ITPR2: variants seen among roughly 807,000 people sequenced by gnomAD.
ITPR2 encodes the protein inositol 1,4,5-trisphosphate-gated calcium channel ITPR2.
ITPR2 carries 207 observed loss-of-function variants against 317.1 expected under a neutral mutation model. That is an observed-to-expected ratio of 0.65 (90% CI 0.58 to 0.73). The LOEUF (loss-of-function observed/expected upper bound fraction) is 0.73. Ranked by LOEUF, ITPR2 falls within the 30% of genes least tolerant of loss-of-function variation. The pLI, the probability that ITPR2 is intolerant of heterozygous loss-of-function variation, is 0.00. For synonymous variants in ITPR2, 1,156 were observed against 1,149.1 expected (o/e 1.01, Z -0.12); for missense variants, 2,613 against 3,284.0 (o/e 0.80, Z 4.99).
chr12:26,466,933 A>T (rs1044005891), intron 45 of ITPR2, among the ~76,000 whole-genome samples: 2 of 152,218 alleles, frequency 1.3e-5, no homozygotes, highest in African/African-American at 2.4e-5. Flanking sequence ...ATTGTACGTT[A>T]CTTAAAACCC....
chr12:26,734,690 A>G (rs1280018919), intron 2 of ITPR2, among the ~76,000 whole-genome samples: 1 of 151,716 alleles, frequency 6.6e-6, no homozygotes, highest in Non-Finnish European at 1.5e-5. Context: ...TAATAGCAAT[A>G]TTTAGAGTAA....
At chr12:26,436,478 T>C in intron 47 of ITPR2, 132 bp from the exon 48 acceptor site, 2 of 745,670 alleles carry the variant, frequency 2.7e-6, no homozygotes, top group Admixed American at 7.1e-5. Context: ...TTTAAATAAA[T>C]ATTTGACTTG....
chr12:26,684,749 CT>C (rs1451012656), intron 11 of ITPR2, among the ~76,000 whole-genome samples: 2 of 152,096 alleles, frequency 1.3e-5, no homozygotes, highest in African/African-American at 4.8e-5. Context: ...TAGTAAGACC[CT>C]TTTATCATTT....
At chr12:26,444,699 T>G (rs1941566916) in intron 45 of ITPR2, among the ~76,000 whole-genome samples, 1 of 151,626 alleles carries the variant, frequency 6.6e-6, no homozygotes. Flanking sequence ...TTCCTATTAT[T>G]CATGAGATCT....
intron 26 of ITPR2, among the ~76,000 whole-genome samples, chr12:26,609,864 CA>C (rs1185172217): frequency 6.6e-6 from 1 of 151,838 alleles, no homozygotes; most frequent in Admixed American, 6.6e-5. Flanking sequence ...TATTATAAAC[CA>C]AAAGTTATTT....
chr12:26,754,189 A>G (rs1471950776), intron 2 of ITPR2, among the ~76,000 whole-genome samples: 2 of 152,330 alleles, frequency 1.3e-5, no homozygotes, highest in East Asian at 1.9e-4. Context: ...GTAAAATAAA[A>G]TATCTTCAGA....
chr12:26,491,408 A>G (rs954176231), intron 39 of ITPR2, among the ~76,000 whole-genome samples: 2 of 141,386 alleles, frequency 1.4e-5, no homozygotes, highest in African/African-American at 2.6e-5. Context: ...GCGTGAACCC[A>G]GGAGGCGGAG....
chr12:26,780,430 T>C (rs776855874), intron 2 of ITPR2, among the ~76,000 whole-genome samples: 1 of 152,192 alleles, frequency 6.6e-6, no homozygotes, highest in Non-Finnish European at 1.5e-5. Flanking sequence ...TTATCTACCA[T>C]CATGGTATTC....
rs539370820 is a variant in ITPR2, at chr12:26,396,022, AT to A, written c.7696+2853del. On this transcript the variant is annotated intron_variant, in intron 54 of 56. Coordinates refer to ENST00000381340, the MANE Select transcript of ITPR2 (RefSeq NM_002223.4). ...GTATTCAATAAATAATCATTTAAAA[AT>A]TTTTTTATGATAAGGCTGAAAGAGG... Among the ~76,000 whole-genome samples, 268 of 152,298 alleles carry A rather than the reference AT, an allele frequency of 1.8e-3. 1 individual carries two copies. The highest frequency in any genetic ancestry group is 5.7e-3 in the African/African-American group (236 of 41,552).
At chr12:26,638,096 A>T (rs2136852690) in intron 21 of ITPR2, among the ~76,000 whole-genome samples, 1 of 152,330 alleles carries the variant, frequency 6.6e-6, no homozygotes, top group East Asian at 1.9e-4. Flanking sequence ...CATCCCACAC[A>T]CTAAAGAAGT....
In ITPR2 at chr12:26,621,271, T is replaced by C. The variant is rs1946487495; in HGVS notation, c.3314A>G (p.Asp1105Gly). 3 of 1,612,488 alleles carry C rather than the reference T, an allele frequency of 1.9e-6. No individual in the cohort carries two copies. In the African/African-American group the frequency reaches 4.0e-5, roughly 22 times the overall value. The change falls in exon 26 of 57, where the codon GAC (aspartate) becomes GGC (glycine). Residue 1105 changes from aspartate to glycine, a missense_variant. By Grantham distance (94) the Asp-to-Gly change is moderately conservative. Transcript: ENST00000381340. ...CTTGATTTGCTTGTAGTTATCTACG[T>C]CTTGATTAGACACCAGTAATTGCAC... The part of the protein sequence containing the change: ...KQVQLLVSNQ[D>G]VDNYKQIKAD...
At chr12:26,811,427 G>C (rs1459144312) in intron 1 of ITPR2, among the ~76,000 whole-genome samples, 1 of 148,902 alleles carries the variant, frequency 6.7e-6, no homozygotes, top group Non-Finnish European at 1.5e-5. Context: ...TGGCTAACGC[G>C]GTGAAACCCC....
In ITPR2 at chr12:26,485,394, T is replaced by G. The variant is rs1051154192; in HGVS notation, c.5811+710A>C. Among the ~76,000 whole-genome samples, 7 of 152,182 alleles carry G rather than the reference T, an allele frequency of 4.6e-5. No individual in the cohort carries two copies. The South Asian group carries it at 8.3e-4, about 18-fold the overall frequency. ...TCTAATGTATTATACACCCTATACA[T>G]CTATTTCCTACACTGCCAGACGAAA... On this transcript the variant is annotated intron_variant, in intron 41 of 56. Coordinates refer to ENST00000381340, the MANE Select transcript of ITPR2 (RefSeq NM_002223.4).
intron 11 of ITPR2, among the ~76,000 whole-genome samples, chr12:26,685,033 A>G (rs1948100447): frequency 6.6e-6 from 1 of 152,156 alleles, no homozygotes; most frequent in East Asian, 1.9e-4. Context: ...GGGAAGCTCT[A>G]CCAGCAATGT....
intron 2 of ITPR2, among the ~76,000 whole-genome samples, chr12:26,760,010 C>T (rs1187486365): frequency 6.6e-6 from 1 of 152,216 alleles, no homozygotes; most frequent in Non-Finnish European, 1.5e-5. Context: ...GCTCAAGTCC[C>T]TGATATAAAA....
chr12:26,798,449 TAG>T (rs761821831), intron 1 of ITPR2, among the ~76,000 whole-genome samples: 1 of 152,218 alleles, frequency 6.6e-6, no homozygotes, highest in Non-Finnish European at 1.5e-5. Context: ...TTTAAGTGTT[TAG>T]CATCTATTTT....
At chr12:26,590,038 A>G (rs1287748652) in intron 32 of ITPR2, among the ~76,000 whole-genome samples, 1 of 151,762 alleles carries the variant, frequency 6.6e-6, no homozygotes, top group African/African-American at 2.4e-5. Context: ...CCCAGAAACT[A>G]TATCAGAAGA....
At chr12:26,398,792 G>C in intron 54 of ITPR2, 84 bp downstream of exon 54, 1 of 1,164,128 alleles carries the variant, frequency 8.6e-7, no homozygotes, top group Non-Finnish European at 1.2e-6. Flanking sequence ...TTTTCCGAAA[G>C]CATGAAAAAT....
chr12:26,705,635 A>G (rs1317616551), intron 9 of ITPR2, among the ~76,000 whole-genome samples: 2 of 152,188 alleles, frequency 1.3e-5, no homozygotes, highest in Non-Finnish European at 2.9e-5. Flanking sequence ...AGCATAATCA[A>G]ATTTGAATGG....
Sources: allele counts gnomAD v4.1 joint callset (sites outside exome capture counted in the v4.1 genomes callset), GRCh38; gene constraint gnomAD v4.1.1; transcripts MANE v1.5; gene names NCBI Gene and HGNC (gene_info 2026-07-23, HGNC 2026-07-21).